The following TFG variants were observed in gnomAD, a reference collection of about 807,000 sequenced individuals.
The protein encoded by TFG is protein TFG.
TFG carries 22 observed loss-of-function variants against 51.4 expected under a neutral mutation model. That is an observed-to-expected ratio of 0.43 (90% CI 0.31 to 0.61). TFG has a LOEUF of 0.61. Ranked by LOEUF, TFG falls within the 20% of genes least tolerant of loss-of-function variation. The pLI, the probability that TFG is intolerant of heterozygous loss-of-function variation, is 0.12. For synonymous variants in TFG, 187 were observed against 165.6 expected (o/e 1.13, Z -0.99); for missense variants, 419 against 487.7 (o/e 0.86, Z 1.33).
intron 7 of TFG, among the ~76,000 whole-genome samples, chr3:100,746,885 ATTTAAGT>A: frequency 6.6e-6 from 1 of 152,198 alleles, no homozygotes; most frequent in African/African-American, 2.4e-5. Flanking sequence ...TATAGTGAAA[ATTTAAGT>A]TTTATGTAGA....
intron 3 of TFG, among the ~76,000 whole-genome samples, chr3:100,725,965 G>A (rs1030070261): frequency 5.9e-5 from 9 of 152,174 alleles, no homozygotes; most frequent in African/African-American, 2.2e-4. Flanking sequence ...AAGATACATG[G>A]GAGTTTTTTA....
In TFG at chr3:100,709,539, C is replaced by T. The variant is rs1301416065; in HGVS notation, c.-226C>T. 6 of 152,014 alleles carry T rather than the reference C, an allele frequency of 3.9e-5. No individual in the cohort carries two copies. Among genetic ancestry groups the T allele is most frequent in the Admixed American group, 2.6e-4 (4 of 15,280 alleles). 9.4% of individuals were successfully genotyped at this position (152,014 alleles called of 1,614,324 possible). On this transcript the variant is annotated 5_prime_UTR_variant, in exon 1 of 8. Coordinates refer to ENST00000240851, the MANE Select transcript of TFG (RefSeq NM_006070.6). ...GTACAGAGCCCAAGTTCTCGCTAGGCTTGTTGGGTCAGCGCGATTGGCCGG... is the reference window on the plus strand; with the variant it reads ...GTACAGAGCCCAAGTTCTCGCTAGGTTTGTTGGGTCAGCGCGATTGGCCGG...
At chr3:100,710,068 T>G (rs2095025747) in intron 1 of TFG, 1 of 151,596 alleles carries the variant, frequency 6.6e-6, no homozygotes, top group Non-Finnish European at 1.5e-5. Flanking sequence ...AGCGTTTGGA[T>G]TGAGAGGAGA....
In TFG at chr3:100,725,699, CAT is replaced by C. The variant is rs1196619509; in HGVS notation, c.269-3012_269-3011del. On this transcript the variant is annotated intron_variant, in intron 3 of 7. Coordinates refer to ENST00000240851, the MANE Select transcript of TFG (RefSeq NM_006070.6). ...AATCCAGCCACTTGGGAGGCTGAGA[CAT>C]GAGAATTGCTGAACCTGGGAGGCAG... Among the ~76,000 whole-genome samples, 10 of 149,796 alleles carry C rather than the reference CAT, an allele frequency of 6.7e-5. No individual in the cohort carries two copies. The East Asian group carries it at 2.0e-3, about 29-fold the overall frequency.
rs986010186 is a variant in TFG, at chr3:100,746,509, T to TA, written c.820+1588dup. Among the ~76,000 whole-genome samples, 601 of 149,108 alleles carry TA rather than the reference T, an allele frequency of 4.0e-3. 4 individuals carry two copies. Among genetic ancestry groups the TA allele is most frequent in the African/African-American group, 0.013 (545 of 40,802 alleles). The stretch of plus-strand genomic sequence containing the variant: ...ATAAAAGGCTAGATGTCCTATGTAT[T>TA]AAAAAAAAAACTCACATAATTTCCA... On this transcript the variant is annotated intron_variant, in intron 7 of 7. Transcript: ENST00000240851.
At chr3:100,709,961 G>C (rs2095025220) in intron 1 of TFG, 1 of 148,166 alleles carries the variant, frequency 6.7e-6, no homozygotes, top group Non-Finnish European at 1.5e-5. Flanking sequence ...AGGGGGAGGG[G>C]AGAGAGGCAA....
At chr3:100,728,926 T>G in intron 4 of TFG, 68 bp downstream of exon 4, 1 of 1,377,974 alleles carries the variant, frequency 7.3e-7, no homozygotes, top group Non-Finnish European at 9.7e-7. Context: ...TAAAAAACTC[T>G]TTTTAAGTAG....
chr3:100,716,576 G>A (rs886310716), intron 2 of TFG, among the ~76,000 whole-genome samples: 1 of 152,082 alleles, frequency 6.6e-6, no homozygotes, highest in African/African-American at 2.4e-5. Flanking sequence ...TCGCTGAATT[G>A]TGTGTTAGTT....
At chr3:100,718,504 G>A (rs939201971) in intron 2 of TFG, among the ~76,000 whole-genome samples, 12 of 146,908 alleles carry the variant, frequency 8.2e-5, no homozygotes, top group African/African-American at 3.1e-4. Flanking sequence ...AGGTGTCCTC[G>A]TTGTAGTTTG....
chr3:100,720,548 G>A (rs1459965164), intron 3 of TFG, among the ~76,000 whole-genome samples: 1 of 152,174 alleles, frequency 6.6e-6, no homozygotes, highest in Non-Finnish European at 1.5e-5. Flanking sequence ...CTTTGCATGT[G>A]CAATTCACAA....
chr3:100,713,936 T>C, intron 2 of TFG, 67 bp downstream of exon 2: 1 of 1,069,664 alleles, frequency 9.3e-7, no homozygotes, highest in South Asian at 1.9e-5. Context: ...ACAGAGCCTC[T>C]GTTGCCCAGG....
chr3:100,745,506 TTGTTTC>T (rs1246206824), intron 7 of TFG, among the ~76,000 whole-genome samples: 1 of 152,214 alleles, frequency 6.6e-6, no homozygotes, highest in African/African-American at 2.4e-5. Flanking sequence ...CCTGAGTATT[TTGTTTC>T]TATTTTACCA....
At chr3:100,725,850 CTTG>C (rs1219412875) in intron 3 of TFG, among the ~76,000 whole-genome samples, 3 of 151,944 alleles carry the variant, frequency 2.0e-5, no homozygotes, top group Admixed American at 6.6e-5. Flanking sequence ...GTAAGTTTAT[CTTG>C]TTGTGTGCTT....
intron 3 of TFG, among the ~76,000 whole-genome samples, chr3:100,728,387 A>C (rs1241823515): frequency 2.0e-5 from 3 of 151,646 alleles, no homozygotes; most frequent in Admixed American, 2.0e-4. Context: ...GCATGAAATA[A>C]AGTGAGCTTT....
At chr3:100,709,890 A>ACGAGGCCGGGGGGGAGGG (rs2095024732) in intron 1 of TFG, 169 bp downstream of exon 1, 1 of 77,428 alleles carries the variant, frequency 1.3e-5, no homozygotes, top group Non-Finnish European at 2.5e-5. Context: ...GGGAGGGAGG[A>ACGAGGCCGGGGGGGAGGG]CGAGGCCGGG....
chr3:100,748,155 A>G lies in TFG; in HGVS notation c.827A>G (p.Tyr276Cys), dbSNP rs769283291. Reference protein sequence around the residue: ...QQYGIQYSASYSQQTGPQQPQ... With the variant: ...QQYGIQYSASCSQQTGPQQPQ... ...ATTTATTTTGCCTTTTCAGCAAGCT[A>G]TAGTCAGCAGACTGGACCTCAACAA... The change falls in exon 8 of 8, where the codon TAT (tyrosine) becomes TGT (cysteine). Residue 276 changes from tyrosine to cysteine, a missense_variant. Transcript: ENST00000240851. 39 of 1,613,514 alleles carry G rather than the reference A, an allele frequency of 2.4e-5. No individual in the cohort carries two copies. The highest frequency in any genetic ancestry group is 1.9e-4 in the African/African-American group (14 of 74,914).
At chr3:100,714,942 T>G (rs1423710907) in intron 2 of TFG, among the ~76,000 whole-genome samples, 2 of 152,236 alleles carry the variant, frequency 1.3e-5, no homozygotes, top group Non-Finnish European at 2.9e-5. Flanking sequence ...TCAACCTGCC[T>G]TCTTTGTTAA....
chr3:100,720,225 T>A (rs1403141909), intron 3 of TFG, among the ~76,000 whole-genome samples, 167 bp downstream of exon 3: 1 of 152,252 alleles, frequency 6.6e-6, no homozygotes, highest in East Asian at 1.9e-4. Flanking sequence ...TATGGCTGTG[T>A]ATGTTTTTAA....
chr3:100,712,786 A>G (rs1295315567), intron 1 of TFG, among the ~76,000 whole-genome samples: 4 of 152,216 alleles, frequency 2.6e-5, no homozygotes, highest in African/African-American at 9.6e-5. Flanking sequence ...TAAGAAGATA[A>G]TGCCAGGGGA....
Sources: gnomAD v4.1 joint callset for allele counts (sites outside exome capture counted in the v4.1 genomes callset) on GRCh38, gnomAD v4.1.1 for gene constraint, MANE v1.5 for transcripts, NCBI Gene and HGNC (gene_info 2026-07-23, HGNC 2026-07-21) for gene names.